Variants in ZNF839 observed in about 807,000 individuals in gnomAD.
ZNF839 encodes the protein zinc finger protein 839.
ZNF839 carries 38 observed loss-of-function variants against 56.4 expected under a neutral mutation model. That is an observed-to-expected ratio of 0.67 (90% CI 0.52 to 0.88). The LOEUF is 0.88. Among genes scored for constraint, ZNF839 ranks in the 40% least tolerant of loss-of-function variants. ZNF839 has a pLI of 0.00. For synonymous variants in ZNF839, 486 were observed against 493.5 expected, an observed-to-expected ratio of 0.98 and a Z score of 0.20; for missense variants, 1,091 against 1,177.6, an observed-to-expected ratio of 0.93 and a Z score of 1.08.
chr14:102,335,666 T>C, intron 4 of ZNF839, 23 bp from the exon 5 acceptor site: 1 of 1,565,662 alleles, frequency 6.4e-7, no homozygotes, highest in South Asian at 1.2e-5. Context: ...TAAACTTTTT[T>C]TTTGGTCTTT....
chr14:102,328,354 CAAAAAAAAA>C (rs1158691824), intron 2 of ZNF839, among the ~76,000 whole-genome samples: 4 of 28,894 alleles, frequency 1.4e-4, no homozygotes, highest in African/African-American at 2.3e-4. Context: ...AACTCCATCT[CAAAAAAAAA>C]AAAAAAAAAA....
chr14:102,334,374 T>C (rs1398549076), intron 3 of ZNF839, among the ~76,000 whole-genome samples, 180 bp from the exon 4 acceptor site: 3 of 152,248 alleles, frequency 2.0e-5, no homozygotes, highest in African/African-American at 7.2e-5. Flanking sequence ...GAATGGATCA[T>C]AGTACTTCAT....
chr14:102,338,823 A>C lies in ZNF839; in HGVS notation c.1667A>C (p.Glu556Ala). 2 of 1,613,812 alleles carry C rather than the reference A, an allele frequency of 1.2e-6. No homozygotes were observed. Among genetic ancestry groups the C allele is most frequent in the Non-Finnish European group, 1.7e-6 (2 of 1,179,834 alleles). Residue 556 changes from glutamate to alanine, a missense_variant, in exon 6 of 8, where the codon GAG becomes GCG. This residue lies in a region of ZNF839 where 46 missense variants were observed against 80.4 expected (regional missense o/e 0.57). Transcript: ENST00000442396. ...TGGCCCATTTCTTTTCAGGTTGCTG[A>C]GTCATTAGGAATCACAGAATTCCTA... The part of the protein sequence containing the change: ...TLEINNDKVA[E>A]SLGITEFLRK...
At position 102,334,615 on chromosome 14, in the gene ZNF839, T is replaced by G. The variant is rs762181355; in HGVS notation, c.1478T>G (p.Val493Gly). 1.2e-6 allele frequency: 2 copies of G among 1,612,878 alleles called. No individual in the cohort carries two copies. Among genetic ancestry groups the G allele is most frequent in the South Asian group, 2.2e-5 (2 of 90,690 alleles). Residue 493 changes from valine to glycine, a missense_variant, in exon 4 of 8, where the codon GTT becomes GGT. By Grantham distance (109) the Val-to-Gly change is moderately radical. This residue lies in a region of ZNF839 where 614 missense variants were observed against 629.2 expected (regional missense o/e 0.98). Transcript: ENST00000442396. ...TTGGCTCTGCCTCAGCTGGCTCAGGTTGTGACCGTGTATGAGTTTCTTCTG... is the reference window on the plus strand; with the variant it reads ...TTGGCTCTGCCTCAGCTGGCTCAGGGTGTGACCGTGTATGAGTTTCTTCTG... ...VELALPQLAQVVTVYEFLLMK... is the reference protein window; with the variant it reads ...VELALPQLAQGVTVYEFLLMK...
Position 102,338,926 on chromosome 14 carries a change from A to C in ZNF839, c.1770A>C (p.Gly590=). Residue 590 remains glycine (G), a synonymous_variant, in exon 6 of 8, where the codon GGA becomes GGC. Coordinates refer to ENST00000442396, the MANE Select transcript of ZNF839 (RefSeq NM_018335.6). The part of the protein sequence containing the change: ...SRDMDGEQLE[G]ASSEKREREA... The stretch of plus-strand genomic sequence containing the variant: ...ACATGGATGGGGAGCAGCTAGAGGG[A>C]GCTAGCAGCGAGAAGAGGGAACGTG... 1 of 1,613,958 alleles carries C rather than the reference A, an allele frequency of 6.2e-7. No individual in the cohort carries two copies. Among genetic ancestry groups the C allele is most frequent in the Non-Finnish European group, 8.5e-7 (1 of 1,179,872 alleles).
At chr14:102,321,010 A>G (rs971906948) in intron 1 of ZNF839, among the ~76,000 whole-genome samples, 2 of 152,232 alleles carry the variant, frequency 1.3e-5, no homozygotes, top group Non-Finnish European at 2.9e-5. Flanking sequence ...TCACTCGTTG[A>G]GTTTTTTTGA....
chr14:102,320,320 C>T (rs1346099266), intron 1 of ZNF839, among the ~76,000 whole-genome samples: 4 of 152,238 alleles, frequency 2.6e-5, no homozygotes, highest in African/African-American at 7.2e-5. Context: ...CACAGCCCTG[C>T]TGGGGGCTTT....
At position 102,332,519 on chromosome 14, in the gene ZNF839, G is replaced by A. The variant is rs1474635269; in HGVS notation, c.1416+673G>A. On this transcript the variant is annotated intron_variant, in intron 3 of 7. Transcript: ENST00000442396. This position sits in a 1 kb window ranked among gnomAD's most constrained non-coding sequence, Gnocchi z 4.9. Reference sequence around the variant, plus strand: ...TTTACTGGGTGTCCATCAAGTATCAGTCCCTGTTCTAGGGATGGAGGGGAC... The same window carrying A: ...TTTACTGGGTGTCCATCAAGTATCAATCCCTGTTCTAGGGATGGAGGGGAC... Among the ~76,000 whole-genome samples the A allele has an allele frequency of 6.6e-6, 1 of 152,198 alleles. No individual in the cohort carries two copies. Among genetic ancestry groups the A allele is most frequent in the Non-Finnish European group, 1.5e-5 (1 of 68,036 alleles).
chr14:102,330,793 C>T (rs565737175), intron 2 of ZNF839, among the ~76,000 whole-genome samples: 1 of 152,328 alleles, frequency 6.6e-6, no homozygotes. Context: ...GCTGGGATTA[C>T]AGGCATGAGC....
At position 102,319,771 on chromosome 14, in the gene ZNF839, G is replaced by T. The variant is rs527395887; in HGVS notation, c.6G>T (p.Ala2=). The T allele has an allele frequency of 2.5e-3, 3,030 of 1,230,754 alleles. 5 individuals carry two copies. Among genetic ancestry groups the T allele is most frequent in the Non-Finnish European group, 2.8e-3 (2,762 of 987,054 alleles). 76.2% of individuals were successfully genotyped at this position (1,230,754 alleles called of 1,614,324 possible). Residue 2 remains alanine, a synonymous_variant, in exon 1 of 8, where the codon GCG becomes GCT. Transcript: ENST00000442396. This position sits in a 1 kb window ranked among gnomAD's most constrained non-coding sequence, Gnocchi z 4.5. The part of the protein sequence containing the change: M[A]DAEPEAGGGS... ...GAGTCCCCGCCTCGGCCGCCATGGCGGATGCGGAGCCGGAGGCTGGGGGCG... is the reference window on the plus strand; with the variant it reads ...GAGTCCCCGCCTCGGCCGCCATGGCTGATGCGGAGCCGGAGGCTGGGGGCG...
intron 1 of ZNF839, among the ~76,000 whole-genome samples, chr14:102,322,552 A>C (rs1337190820): frequency 6.6e-6 from 1 of 152,172 alleles, no homozygotes; most frequent in Non-Finnish European, 1.5e-5. Flanking sequence ...GGTTTAGTGT[A>C]TGTATGTATA....
chr14:102,324,437 G>A (rs1234156480), intron 1 of ZNF839, among the ~76,000 whole-genome samples: 1 of 152,160 alleles, frequency 6.6e-6, no homozygotes, highest in East Asian at 1.9e-4. Context: ...GGGCTACTCA[G>A]GAGGCTGAGG....
Position 102,331,687 on chromosome 14 carries a change from A to G in ZNF839, c.1257A>G (p.Arg419=). ...PSEPENGALL[R]SERYQGPRRR... ...AACCAGAAAATGGAGCTCTTTTGCGATCAGAGAGATACCAAGGACCTAGAA... is the reference window on the plus strand; with the variant it reads ...AACCAGAAAATGGAGCTCTTTTGCGGTCAGAGAGATACCAAGGACCTAGAA... The change falls in exon 3 of 8, where the codon CGA becomes CGG. Residue 419 remains arginine (R), a synonymous_variant. Transcript: ENST00000442396. The G allele has an allele frequency of 1.2e-6, 2 of 1,612,334 alleles. No individual in the cohort carries two copies. The highest frequency in any genetic ancestry group is 1.1e-5 in the South Asian group (1 of 90,622).
rs1351659202 is a variant in ZNF839 at position 102,326,952 on chromosome 14, C to G, written c.1191+65C>G. On this transcript the variant is annotated intron_variant, in intron 2 of 7. Transcript: ENST00000442396. The surrounding 1 kb of genome is among the most constrained non-coding windows in gnomAD (Gnocchi z 4.3). ...GTTCTCGGATTGCTATAAAGAAATA[C>G]CTGAGACCAGGTATTTTATAAAGAA... 6.2e-6 allele frequency: 9 copies of G among 1,440,976 alleles called. No homozygotes were observed. In the African/African-American group the frequency reaches 8.6e-5, roughly 14 times the overall value. The allele number at this position is 1,440,976 out of a possible 1,614,324, so 89.3% of individuals were successfully genotyped here. A position where few individuals can be genotyped will look rare whatever the true frequency, so the allele number is the denominator to read the frequency against.
intron 3 of ZNF839, among the ~76,000 whole-genome samples, chr14:102,333,178 C>A (rs1034112434): frequency 6.6e-6 from 1 of 151,750 alleles, no homozygotes; most frequent in Admixed American, 6.6e-5. Flanking sequence ...GCTTGTTTTG[C>A]GAGCATCTGT....
intron 7 of ZNF839, among the ~76,000 whole-genome samples, chr14:102,340,184 C>G (rs1886352212): frequency 6.6e-6 from 1 of 151,518 alleles, no homozygotes; most frequent in African/African-American, 2.4e-5. Flanking sequence ...CCATTTTGGT[C>G]AGGCTGGTCT....
intron 2 of ZNF839, among the ~76,000 whole-genome samples, chr14:102,331,115 C>G (rs2073758898): frequency 6.6e-6 from 1 of 152,104 alleles, no homozygotes; most frequent in Non-Finnish European, 1.5e-5. Context: ...TATGTACTTT[C>G]AAAGGATGAA....
In ZNF839 at chr14:102,342,293, C is replaced by A; in HGVS notation, c.*114C>A. The A allele has an allele frequency of 7.6e-7, 1 of 1,324,472 alleles. No individual in the cohort carries two copies. Among genetic ancestry groups the A allele is most frequent in the Non-Finnish European group, 1.0e-6 (1 of 969,440 alleles). The allele number at this position is 1,324,472 out of a possible 1,614,324, so 82.0% of individuals were successfully genotyped here. A position where few individuals can be genotyped will look rare whatever the true frequency, so the allele number is the denominator to read the frequency against. On this transcript the variant is annotated 3_prime_UTR_variant, in exon 8 of 8. Coordinates refer to ENST00000442396, the MANE Select transcript of ZNF839 (RefSeq NM_018335.6). ...GATTTTATCCAGAGAAGGTCTATGG[C>A]AAGCAATGTATATTTTTCTAATGTG...
At chr14:102,325,857 C>T in intron 1 of ZNF839, 128 bp from the exon 2 acceptor site, 1 of 1,125,218 alleles carries the variant, frequency 8.9e-7, no homozygotes. Flanking sequence ...AAACACATTA[C>T]ATCAACTTTT....
Sources: gnomAD v4.1 joint callset for allele counts (sites outside exome capture counted in the v4.1 genomes callset) on GRCh38, gnomAD v4.1.1 for gene constraint, gnomAD v4.1.1 regional missense constraint, Gnocchi (gnomAD v3.1) non-coding constraint, MANE v1.5 for transcripts, NCBI Gene and HGNC (gene_info 2026-07-23, HGNC 2026-07-21) for gene names.